The following DGKH variants were observed in gnomAD, a reference collection of about 807,000 sequenced individuals.
DGKH encodes DAG kinase eta.
DGKH carries 90 observed loss-of-function variants against 159.3 expected under a neutral mutation model. The ratio of observed to expected loss-of-function variants is 0.57; its 90% CI spans 0.48 to 0.67. The LOEUF (loss-of-function observed/expected upper bound fraction) is 0.67, where lower values mean the gene tolerates loss of function less well. Among genes scored for constraint, DGKH ranks in the 30% least tolerant of loss-of-function variants. The pLI, the probability that DGKH is intolerant of heterozygous loss-of-function variation, is 0.00. For synonymous variants in DGKH, 536 were observed against 553.8 expected (o/e 0.97, Z 0.45); for missense variants, 1,181 against 1,506.1 (o/e 0.78, Z 3.57).
At chr13:42,094,836 A>G (rs377377366) in intron 1 of DGKH, among the ~76,000 whole-genome samples, 11 of 152,190 alleles carry the variant, frequency 7.2e-5, no homozygotes, top group East Asian at 3.8e-4. Flanking sequence ...TATCATTGCT[A>G]CCACTCACTT....
At chr13:42,094,678 A>T (rs1183315) in intron 1 of DGKH, among the ~76,000 whole-genome samples, 35,582 of 152,062 alleles carry the variant, frequency 0.23, 4,690 homozygotes, top group African/African-American at 0.35. Flanking sequence ...TCAAAAGGAG[A>T]TTTAAATTTT....
upstream of DGKH, among the ~76,000 whole-genome samples, chr13:42,048,244 G>T (rs1880938693): frequency 6.6e-6 from 1 of 152,040 alleles, no homozygotes; most frequent in Non-Finnish European, 1.5e-5. The surrounding 1 kb of genome is among the most constrained non-coding windows in gnomAD (Gnocchi z 6.7). Flanking sequence ...GGTTCAGGAG[G>T]TGGCGGGTGC....
chr13:42,069,113 A>G (rs1455049942), intron 1 of DGKH: 3 of 1,400,648 alleles, frequency 2.1e-6, no homozygotes, highest in Non-Finnish European at 3.0e-6. Context: ...ACTGTTGTTC[A>G]GAAATCCTTC....
At chr13:42,202,441 C>G (rs1028873877) in intron 20 of DGKH, among the ~76,000 whole-genome samples, 1 of 152,298 alleles carries the variant, frequency 6.6e-6, no homozygotes, top group Admixed American at 6.5e-5. Flanking sequence ...TAAGTTTTCC[C>G]TCCCCGTTAT....
At position 42,181,145 on chromosome 13, in the gene DGKH, T is replaced by C. The variant is rs368029015; in HGVS notation, c.1538+2925T>C. Among the ~76,000 whole-genome samples the C allele has an allele frequency of 1.9e-3, 284 of 151,648 alleles. 4 individuals carry two copies. The East Asian group carries it at 0.043, about 23-fold the overall frequency. On this transcript the variant is annotated intron_variant, in intron 13 of 29. Coordinates refer to ENST00000337343, the MANE Select transcript of DGKH (RefSeq NM_178009.5). Reference sequence around the variant, plus strand: ...CAAAAAAATTAGCCGGGCGTGATGGTGGGCGCCTGTAGTCCTAGCTACTCG... The same window carrying C: ...CAAAAAAATTAGCCGGGCGTGATGGCGGGCGCCTGTAGTCCTAGCTACTCG...
chr13:42,232,563 A>G lies in DGKH; in HGVS notation c.*3375A>G, dbSNP rs1958325149. On this transcript the variant is annotated 3_prime_UTR_variant, in exon 30 of 30. Coordinates refer to ENST00000337343, the MANE Select transcript of DGKH (RefSeq NM_178009.5). ...GCCTTCTACTTTCCTTTCCCCATCA[A>G]TTAACCCACTACAAAATGACCCCTT... The G allele has an allele frequency of 6.6e-6, 1 of 152,152 alleles. No homozygotes were observed. Among genetic ancestry groups the G allele is most frequent in the African/African-American group, 2.4e-5 (1 of 41,440 alleles). 9.4% of individuals were successfully genotyped at this position (152,152 alleles called of 1,614,324 possible). A position where few individuals can be genotyped will look rare whatever the true frequency, so the allele number is the denominator to read the frequency against.
chr13:42,101,772 TGA>T (rs35380630), intron 1 of DGKH, among the ~76,000 whole-genome samples: 120 of 148,360 alleles, frequency 8.1e-4, no homozygotes, highest in Admixed American at 2.3e-3. Context: ...TGTGTGTGTG[TGA>T]GAGAGAGAGA....
At chr13:42,166,434 A>T (rs1956316582) in intron 8 of DGKH, 81 bp from the exon 9 acceptor site, 3 of 1,265,978 alleles carry the variant, frequency 2.4e-6, no homozygotes, top group Non-Finnish European at 3.1e-6. Flanking sequence ...TTATGAATTT[A>T]TTTTCTTTTC....
chr13:42,222,872 A>G (rs967744500), intron 29 of DGKH, among the ~76,000 whole-genome samples: 2 of 152,196 alleles, frequency 1.3e-5, no homozygotes, highest in African/African-American at 4.8e-5. Flanking sequence ...TACACACACA[A>G]TGAATGTAGC....
intron 3 of DGKH, among the ~76,000 whole-genome samples, chr13:42,132,398 A>G (rs1955306450): frequency 6.6e-6 from 1 of 152,228 alleles, no homozygotes; most frequent in Non-Finnish European, 1.5e-5. Context: ...AGAATTTTGT[A>G]TCCTTTAAGA....
At position 42,215,584 on chromosome 13, in the gene DGKH, A is replaced by G; in HGVS notation, c.3130A>G (p.Arg1044Gly). The change falls in exon 26 of 30, where the codon AGA becomes GGA. Residue 1044 changes from arginine to glycine, a missense_variant. Transcript: ENST00000337343. ...ANPRCPESLT[R>G]DTATEIAINV... ...TATTCTTCTTTTCTAGAGTCTTACA[A>G]GAGACACTGCCACTGAAATAGCCAT... The G allele has an allele frequency of 6.2e-7, 1 of 1,609,866 alleles. No homozygotes were observed. Among genetic ancestry groups the G allele is most frequent in the Non-Finnish European group, 8.5e-7 (1 of 1,177,450 alleles).
chr13:42,053,590 A>ATATATGTATATATATAAC (rs1566076845), intron 1 of DGKH, among the ~76,000 whole-genome samples: 2 of 74,940 alleles, frequency 2.7e-5, no homozygotes, highest in African/African-American at 1.6e-4. Context: ...ATATATAACT[A>ATATATGTATATATATAAC]TATATATGTA....
intron 29 of DGKH, chr13:42,225,226 A>G (rs1401046629): frequency 1.3e-6 from 2 of 1,527,456 alleles, no homozygotes; most frequent in Non-Finnish European, 1.8e-6. Flanking sequence ...CCCAGCCAGG[A>G]AAGTATTTCC....
chr13:42,070,019 A>T, intron 1 of DGKH: 1 of 867,278 alleles, frequency 1.2e-6, no homozygotes, highest in South Asian at 1.4e-5. Context: ...TGACAGTCAT[A>T]GTACCTTTCC....
At chr13:42,210,130 T>TAAATTGAAGCAATAGTAAAGATTG in intron 23 of DGKH, among the ~76,000 whole-genome samples, 1 of 151,690 alleles carries the variant, frequency 6.6e-6, no homozygotes, top group African/African-American at 2.4e-5. Context: ...GATTAAAGAA[T>TAAATTGAAGCAATAGTAAAGATTG]AAATTGAAGC....
At chr13:42,171,770 A>AAT (rs1219378699) in intron 11 of DGKH, among the ~76,000 whole-genome samples, 1 of 152,058 alleles carries the variant, frequency 6.6e-6, no homozygotes, top group African/African-American at 2.4e-5. Context: ...TGAGATGCTC[A>AAT]ATATAGTATA....
At chr13:42,227,816 AAGAG>A (rs974020855) in intron 29 of DGKH, among the ~76,000 whole-genome samples, 1 of 152,222 alleles carries the variant, frequency 6.6e-6, no homozygotes, top group Non-Finnish European at 1.5e-5. Context: ...AAACGAGAGA[AAGAG>A]AGAGACAATG....
At chr13:42,125,856 T>C (rs1419814731) in intron 1 of DGKH, among the ~76,000 whole-genome samples, 1 of 152,200 alleles carries the variant, frequency 6.6e-6, no homozygotes, top group African/African-American at 2.4e-5. Flanking sequence ...TAGATCTCAT[T>C]ATCATATGTA....
rs755133612 is a variant in DGKH at position 42,166,539 on chromosome 13, T to C, written c.983T>C (p.Phe328Ser). 1 of 1,557,964 alleles carries C rather than the reference T, an allele frequency of 6.4e-7. No homozygotes were observed. Among genetic ancestry groups the C allele is most frequent in the Non-Finnish European group, 8.7e-7 (1 of 1,152,444 alleles). ...GGTTTCTGTAGAGCAACATTTTCGT[T>C]CTGTGTTAGTCCTCTATTGGTTTTT... ...SDGFCRATFSFCVSPLLVFVN... is the reference protein window; with the variant it reads ...SDGFCRATFSSCVSPLLVFVN... Residue 328 changes from phenylalanine to serine, a missense_variant, in exon 9 of 30, where the codon TTC (phenylalanine) becomes TCC (serine). This residue lies in a region of DGKH where 369 missense variants were observed against 519.4 expected (regional missense o/e 0.71). Coordinates refer to ENST00000337343, the MANE Select transcript of DGKH (RefSeq NM_178009.5).
Sources: gnomAD v4.1 joint callset for allele counts (sites outside exome capture counted in the v4.1 genomes callset) on GRCh38, gnomAD v4.1.1 for gene constraint, gnomAD v4.1.1 regional missense constraint, Gnocchi (gnomAD v3.1) non-coding constraint, MANE v1.5 for transcripts, NCBI Gene and HGNC (gene_info 2026-07-23, HGNC 2026-07-21) for gene names.